ZFHX4: variants seen among roughly 807,000 people sequenced by gnomAD.
The protein encoded by ZFHX4 is zinc finger homeobox protein 4.
In ZFHX4, 56 loss-of-function variants were observed where a neutral mutation model predicts 267.6. The observed-to-expected ratio is 0.21, with a 90% CI of 0.17 to 0.26. The LOEUF (loss-of-function observed/expected upper bound fraction) is 0.26. Ranked by LOEUF, ZFHX4 falls within the 10% of genes least tolerant of loss-of-function variation. The pLI, the probability that ZFHX4 is intolerant of heterozygous loss-of-function variation, is 1.00. For missense variants in ZFHX4, 4,332 were observed against 4,420.0 expected, an observed-to-expected ratio of 0.98 and a Z score of 0.56; for synonymous variants, 1,778 against 1,665.6, an observed-to-expected ratio of 1.07 and a Z score of -1.64.
chr8:76,863,867 T>C lies in ZFHX4; in HGVS notation c.10153T>C (p.Ser3385Pro). ...CACAAAAGAAGAACCCCAGTTAGAA[T>C]CCAAAAGTGCAGACTTTTCAGACAC... ...ESTKEEPQLE[S>P]KSADFSDTYV... The change falls in exon 11 of 11, where the codon TCC becomes CCC. Residue 3385 changes from serine to proline, a missense_variant. Ser to Pro is a moderately conservative substitution (Grantham distance 74). Transcript: ENST00000651372. The C allele has an allele frequency of 6.4e-7, 1 of 1,559,626 alleles. No homozygotes were observed. The highest frequency in any genetic ancestry group is 1.2e-5 in the South Asian group (1 of 84,806).
Position 76,796,473 on chromosome 8 carries a change from G to A in ZFHX4, c.3325+18034G>A, listed in dbSNP as rs116394706. ...ATTACAGATACAAATTGTCTGTTAA[G>A]AATCAAGACTTATCTTTGGGGTCTT... On this transcript the variant is annotated intron_variant, in intron 4 of 10. Coordinates refer to ENST00000651372, the MANE Select transcript of ZFHX4 (RefSeq NM_024721.5). 4.1e-3 allele frequency among the ~76,000 whole-genome samples: 625 copies of A among 152,202 alleles called. 6 individuals are homozygous for A. Among genetic ancestry groups the A allele is most frequent in the African/African-American group, 0.012 (514 of 41,552 alleles).
rs368881579 is a variant in ZFHX4 at position 76,864,489 on chromosome 8, T to C, written c.10775T>C (p.Leu3592Ser). 1 of 1,613,484 alleles carries C rather than the reference T, an allele frequency of 6.2e-7. No individual in the cohort carries two copies. Among genetic ancestry groups the C allele is most frequent in the African/African-American group, 1.3e-5 (1 of 74,902 alleles). ...AAGCTAGAAGACTTAGATAATTCTTTGGAAGTGAAGGCTAAGCCTGCTTCT... is the reference window on the plus strand; with the variant it reads ...AAGCTAGAAGACTTAGATAATTCTTCGGAAGTGAAGGCTAAGCCTGCTTCT... ...SQKLEDLDNS[L>S]EVKAKPASGL... The change falls in exon 11 of 11, where the codon TTG (leucine) becomes TCG (serine). Residue 3592 changes from leucine (L) to serine (S), a missense_variant. This residue lies in a region of ZFHX4 where 1,648 missense variants were observed against 1,625.0 expected (regional missense o/e 1.01). Coordinates refer to ENST00000651372, the MANE Select transcript of ZFHX4 (RefSeq NM_024721.5).
chr8:76,788,222 T>C, intron 4 of ZFHX4, among the ~76,000 whole-genome samples: 1 of 152,280 alleles, frequency 6.6e-6, no homozygotes. Flanking sequence ...ATGCTCATAG[T>C]CTTCTCACAT....
intron 3 of ZFHX4, among the ~76,000 whole-genome samples, chr8:76,744,597 G>A (rs1809407722): frequency 6.6e-6 from 1 of 151,858 alleles, no homozygotes; most frequent in Non-Finnish European, 1.5e-5. Flanking sequence ...ATTTTTCGTA[G>A]AGACAGGGTT....
At chr8:76,756,454 G>C (rs192624518) in intron 3 of ZFHX4, among the ~76,000 whole-genome samples, 28 of 152,032 alleles carry the variant, frequency 1.8e-4, no homozygotes, top group African/African-American at 6.5e-4. Flanking sequence ...GGGATGGGTG[G>C]GTAGAGGCTC....
intron 5 of ZFHX4, 150 bp downstream of exon 5, chr8:76,833,556 A>C: frequency 3.4e-6 from 2 of 588,350 alleles, no homozygotes; most frequent in Non-Finnish European, 5.9e-6. Context: ...AGCAAAATGA[A>C]ATAAATTCAA....
intron 10 of ZFHX4, among the ~76,000 whole-genome samples, chr8:76,862,605 C>A (rs1812899518): frequency 6.6e-6 from 1 of 152,140 alleles, no homozygotes; most frequent in South Asian, 2.1e-4. Context: ...GGAACATAGG[C>A]AGATGGATTT....
chr8:76,811,569 T>C (rs1225573969), intron 4 of ZFHX4, among the ~76,000 whole-genome samples: 1 of 152,192 alleles, frequency 6.6e-6, no homozygotes, highest in African/African-American at 2.4e-5. Flanking sequence ...TGATGTTATG[T>C]GTTTGGAGAC....
chr8:76,816,236 A>C (rs1811502553), intron 4 of ZFHX4, among the ~76,000 whole-genome samples: 1 of 152,208 alleles, frequency 6.6e-6, no homozygotes, highest in African/African-American at 2.4e-5. Context: ...TTGAGTGGAA[A>C]GTTTTAAAAG....
chr8:76,827,085 G>A (rs1811805350), intron 4 of ZFHX4, among the ~76,000 whole-genome samples: 1 of 152,202 alleles, frequency 6.6e-6, no homozygotes, highest in Non-Finnish European at 1.5e-5. Flanking sequence ...ATCCCATAAG[G>A]CAGTGGTCTC....
In ZFHX4 at chr8:76,852,420, A is replaced by T; in HGVS notation, c.5499A>T (p.Leu1833Phe). ...AGCAGCAACAGCAGGCAAGCAAATTATTGAAACAAGAGCAAAGTAACATAG... is the reference window on the plus strand; with the variant it reads ...AGCAGCAACAGCAGGCAAGCAAATTTTTGAAACAAGAGCAAAGTAACATAG... ...QQQQQQQASK[L>F]LKQEQSNIVS... Residue 1833 changes from leucine to phenylalanine, a missense_variant, in exon 10 of 11, where the codon TTA becomes TTT. Physicochemically the swap from Leu to Phe is conservative, Grantham distance 22 (BLOSUM62 0). Transcript: ENST00000651372. 6.4e-7 allele frequency: 1 copy of T among 1,557,522 alleles called. No homozygotes were observed. The highest frequency in any genetic ancestry group is 1.2e-5 in the South Asian group (1 of 84,510).
intron 4 of ZFHX4, among the ~76,000 whole-genome samples, chr8:76,807,094 A>G (rs1406468820): frequency 1.3e-5 from 2 of 152,104 alleles, no homozygotes; most frequent in Non-Finnish European, 2.9e-5. Flanking sequence ...AGTAAATGTA[A>G]TCATCACAAT....
At chr8:76,731,638 CT>C (rs1809013894) in intron 3 of ZFHX4, among the ~76,000 whole-genome samples, 2 of 151,928 alleles carry the variant, frequency 1.3e-5, no homozygotes, top group Admixed American at 1.3e-4. Flanking sequence ...ATAAAATAAT[CT>C]CAAATTTTGA....
intron 3 of ZFHX4, among the ~76,000 whole-genome samples, chr8:76,771,918 A>G (rs887518701): frequency 6.6e-6 from 1 of 152,150 alleles, no homozygotes; most frequent in Non-Finnish European, 1.5e-5. Context: ...AATTTCTGGA[A>G]TGAGCCTCTG....
intron 3 of ZFHX4, among the ~76,000 whole-genome samples, chr8:76,766,158 G>T (rs1810045911): frequency 6.6e-6 from 1 of 151,438 alleles, no homozygotes. Context: ...AAATCTTGTT[G>T]AACAAGTGCT....
At chr8:76,700,711 C>A (rs1285493622) in intron 1 of ZFHX4, among the ~76,000 whole-genome samples, 1 of 152,000 alleles carries the variant, frequency 6.6e-6, no homozygotes, top group African/African-American at 2.4e-5. Flanking sequence ...CTGAGAATAC[C>A]AAAAAATGTG....
intron 3 of ZFHX4, among the ~76,000 whole-genome samples, chr8:76,710,392 G>A (rs767338140): frequency 7.2e-5 from 11 of 152,150 alleles, no homozygotes; most frequent in Non-Finnish European, 1.5e-4. Flanking sequence ...CAGTAATGAG[G>A]ATATTAGCAA....
intron 3 of ZFHX4, among the ~76,000 whole-genome samples, chr8:76,751,600 C>G (rs547612349): frequency 6.6e-5 from 10 of 152,064 alleles, no homozygotes; most frequent in Admixed American, 6.6e-4. Context: ...TCACTTTTAC[C>G]AGAATTTTTA....
chr8:76,689,707 T>C (rs890414253), intron 1 of ZFHX4, among the ~76,000 whole-genome samples: 1 of 152,142 alleles, frequency 6.6e-6, no homozygotes, highest in African/African-American at 2.4e-5. Flanking sequence ...GGTTTCATAT[T>C]TGACATACAA....
Sources: allele counts gnomAD v4.1 joint callset (sites outside exome capture counted in the v4.1 genomes callset), GRCh38; gene constraint gnomAD v4.1.1; regional missense constraint gnomAD v4.1.1; transcripts MANE v1.5; gene names NCBI Gene and HGNC (gene_info 2026-07-23, HGNC 2026-07-21).